Variants in MLANA observed in about 807,000 individuals in gnomAD.
MLANA encodes melan-A, also known as melanoma antigen recognized by T-cells 1.
In MLANA, 21 loss-of-function variants were observed where a neutral mutation model predicts 15.7. The ratio of observed to expected loss-of-function variants is 1.33; its 90% CI spans 0.95 to 1.92. The LOEUF (loss-of-function observed/expected upper bound fraction) is 1.92. Ranked by LOEUF, MLANA falls within the 40% of genes most tolerant of loss-of-function variation. The pLI is 0.00. For synonymous variants in MLANA, 56 were observed against 51.5 expected (o/e 1.09, Z -0.37); for missense variants, 164 against 143.8 (o/e 1.14, Z -0.72).
intron 4 of MLANA, 152 bp from the exon 5 acceptor site, chr9:5,908,488 C>T (rs1832958704): frequency 5.7e-6 from 4 of 696,852 alleles, no homozygotes; most frequent in Admixed American, 2.7e-5. Context: ...TGAAATTTAA[C>T]AATTACTTCA....
intron 3 of MLANA, among the ~76,000 whole-genome samples, chr9:5,904,264 C>G (rs930655776): frequency 2.6e-5 from 4 of 152,204 alleles, no homozygotes; most frequent in African/African-American, 9.6e-5. Context: ...CTCTGACAAT[C>G]TGTCTTTTAA....
intron 3 of MLANA, among the ~76,000 whole-genome samples, chr9:5,898,467 C>T (rs1048230981): frequency 3.3e-5 from 5 of 152,166 alleles, no homozygotes; most frequent in African/African-American, 4.8e-5. Flanking sequence ...AAAGTCCTAC[C>T]TCTTACCATT....
At chr9:5,906,717 T>A (rs1314879561) in intron 3 of MLANA, among the ~76,000 whole-genome samples, 168 bp from the exon 4 acceptor site, 1 of 152,220 alleles carries the variant, frequency 6.6e-6, no homozygotes, top group Non-Finnish European at 1.5e-5. Context: ...TATTCCTAGA[T>A]GCAAACTCAG....
intron 3 of MLANA, among the ~76,000 whole-genome samples, chr9:5,901,169 G>T (rs1252983488): frequency 6.6e-6 from 1 of 152,036 alleles, no homozygotes; most frequent in Non-Finnish European, 1.5e-5. Context: ...TAATTGACAA[G>T]GGCAGTTTTA....
At position 5,894,716 on chromosome 9, in the gene MLANA, G is replaced by A. The variant is rs151245303; in HGVS notation, c.77+2165G>A. On this transcript the variant is annotated intron_variant, in intron 2 of 4. Coordinates refer to ENST00000381477, the MANE Select transcript of MLANA (RefSeq NM_005511.2). The surrounding 1 kb of genome is among the most constrained non-coding windows in gnomAD (Gnocchi z 4.0). ...CATTGCTGGGGTGATCCTGACAGGA[G>A]CCAGAAGCACACTGGAAGGAGCTGC... Among the ~76,000 whole-genome samples, 19 of 152,280 alleles carry A rather than the reference G, an allele frequency of 1.2e-4. No individual in the cohort carries two copies. The East Asian group carries it at 3.5e-3, about 28-fold the overall frequency.
At position 5,909,113 on chromosome 9, in the gene MLANA, C is replaced by A. The variant is rs934689382; in HGVS notation, c.*405C>A. The A allele has an allele frequency of 1.3e-5, 3 of 227,382 alleles. No individual in the cohort carries two copies. Among genetic ancestry groups the A allele is most frequent in the African/African-American group, 2.3e-5 (1 of 42,902 alleles). 14.1% of individuals were successfully genotyped at this position (227,382 alleles called of 1,614,324 possible). On this transcript the variant is annotated 3_prime_UTR_variant, in exon 5 of 5. Coordinates refer to ENST00000381477, the MANE Select transcript of MLANA (RefSeq NM_005511.2). Reference sequence around the variant, plus strand: ...GACATGAACTGTACACAGAATTGTTCCAGTACTATGGAGTGCTCACAAAGG... The same window carrying A: ...GACATGAACTGTACACAGAATTGTTACAGTACTATGGAGTGCTCACAAAGG...
chr9:5,892,617 C>T, intron 2 of MLANA, 66 bp downstream of exon 2: 1 of 1,331,000 alleles, frequency 7.5e-7, no homozygotes. Flanking sequence ...CTGCTGACTT[C>T]CACCAGTACA....
rs777989222 is a variant in MLANA, at chr9:5,908,633, C to T, written c.289-7C>T. On this transcript the variant is annotated splice_region_variant and splice_polypyrimidine_tract_variant and intron_variant, in intron 4 of 4. Transcript: ENST00000381477. ...AAGCCCATATTCTCCCTTTCTTGTTCTCACAGGTTCCCAATGCTCCACCTG... is the reference window on the plus strand; with the variant it reads ...AAGCCCATATTCTCCCTTTCTTGTTTTCACAGGTTCCCAATGCTCCACCTG... The T allele has an allele frequency of 3.7e-6, 6 of 1,613,374 alleles. No individual in the cohort carries two copies. Among genetic ancestry groups the T allele is most frequent in the Middle Eastern group, 1.7e-4 (1 of 6,058 alleles).
chr9:5,896,414 ACT>A (rs1296502883), intron 2 of MLANA, among the ~76,000 whole-genome samples: 2 of 152,310 alleles, frequency 1.3e-5, no homozygotes, highest in East Asian at 3.9e-4. Context: ...TCCATCTAGC[ACT>A]GTCATCCCAT....
In MLANA at chr9:5,908,930, T is replaced by G; in HGVS notation, c.*222T>G. The G allele has an allele frequency of 1.9e-6, 1 of 540,054 alleles. No homozygotes were observed. The highest frequency in any genetic ancestry group is 3.3e-6 in the Non-Finnish European group (1 of 305,400). 33.5% of individuals were successfully genotyped at this position (540,054 alleles called of 1,614,324 possible). A position where few individuals can be genotyped will look rare whatever the true frequency, so the allele number is the denominator to read the frequency against. ...TTGGGAAAACTCCATCAATAAATGT[T>G]GCAATGCATGATACTATCTGTGCCA... On this transcript the variant is annotated 3_prime_UTR_variant, in exon 5 of 5. Coordinates refer to ENST00000381477, the MANE Select transcript of MLANA (RefSeq NM_005511.2).
At chr9:5,892,677 C>T (rs1043161658) in intron 2 of MLANA, 126 bp downstream of exon 2, 33 of 712,454 alleles carry the variant, frequency 4.6e-5, no homozygotes, top group Non-Finnish European at 6.6e-5. Context: ...CAGTAACATC[C>T]CTGGCAACAA....
rs761715010 is a variant in MLANA, at chr9:5,910,446, C to G, written c.*1738C>G. ...CTTACTACTTAAAATAAGGCTTCCA[C>G]CTCTCCCACTTCAAACAAATAAATG... On this transcript the variant is annotated 3_prime_UTR_variant, in exon 5 of 5. Transcript: ENST00000381477. 4 of 152,196 alleles carry G rather than the reference C, an allele frequency of 2.6e-5. No homozygotes were observed. The highest frequency in any genetic ancestry group is 9.7e-5 in the African/African-American group (4 of 41,442). 9.4% of individuals were successfully genotyped at this position (152,196 alleles called of 1,614,324 possible).
chr9:5,898,435 C>T (rs1458727851), intron 3 of MLANA, among the ~76,000 whole-genome samples: 1 of 152,168 alleles, frequency 6.6e-6, no homozygotes, highest in African/African-American at 2.4e-5. Context: ...GGACAGAGCC[C>T]TTGTAACTTA....
intron 3 of MLANA, among the ~76,000 whole-genome samples, chr9:5,900,210 G>T (rs1378801530): frequency 2.0e-5 from 3 of 152,078 alleles, no homozygotes; most frequent in African/African-American, 7.2e-5. Flanking sequence ...GAGTCTTAAT[G>T]TCATGTGCTC....
At position 5,910,462 on chromosome 9, in the gene MLANA, C is replaced by T. The variant is rs757101918; in HGVS notation, c.*1754C>T. ...AGGCTTCCACCTCTCCCACTTCAAA[C>T]AAATAAATGAATTCTAAACCAAAGA... On this transcript the variant is annotated 3_prime_UTR_variant, in exon 5 of 5. Coordinates refer to ENST00000381477, the MANE Select transcript of MLANA (RefSeq NM_005511.2). The T allele has an allele frequency of 2.6e-5, 4 of 152,228 alleles. No individual in the cohort carries two copies. Among genetic ancestry groups the T allele is most frequent in the African/African-American group, 4.8e-5 (2 of 41,460 alleles). 9.4% of individuals were successfully genotyped at this position (152,228 alleles called of 1,614,324 possible).
chr9:5,901,402 T>C (rs1461797810), intron 3 of MLANA, among the ~76,000 whole-genome samples: 2 of 152,240 alleles, frequency 1.3e-5, no homozygotes, highest in African/African-American at 4.8e-5. Flanking sequence ...CCCTCGTTTA[T>C]TGAGAGTTTT....
At position 5,897,616 on chromosome 9, in the gene MLANA, G is replaced by A; in HGVS notation, c.137G>A (p.Trp46Ter). 3 of 1,614,114 alleles carry A rather than the reference G, an allele frequency of 1.9e-6. No individual in the cohort carries two copies. The highest frequency in any genetic ancestry group is 2.5e-6 in the Non-Finnish European group (3 of 1,179,952). The change falls in exon 3 of 5, where the codon TGG becomes TAG. Residue 46 changes from tryptophan to a stop codon, truncating the protein, a stop_gained. Coordinates refer to ENST00000381477, the MANE Select transcript of MLANA (RefSeq NM_005511.2). LOFTEE classifies it high-confidence loss of function. Reference sequence around the variant, plus strand: ...GGAGTCTTACTGCTCATCGGCTGTTGGTATTGTAGAAGACGAAATGGATAC... The same window carrying A: ...GGAGTCTTACTGCTCATCGGCTGTTAGTATTGTAGAAGACGAAATGGATAC... ...ILGVLLLIGC[W>*]YCRRRNGYRA...
chr9:5,896,347 T>C (rs1462845366), intron 2 of MLANA, among the ~76,000 whole-genome samples: 1 of 152,226 alleles, frequency 6.6e-6, no homozygotes, highest in Non-Finnish European at 1.5e-5. Context: ...TGAATCTTCA[T>C]AGGTCTCAGC....
At chr9:5,896,639 C>T (rs1356352855) in intron 2 of MLANA, among the ~76,000 whole-genome samples, 1 of 152,350 alleles carries the variant, frequency 6.6e-6, no homozygotes, top group African/African-American at 2.4e-5. Flanking sequence ...ATAACAGAGT[C>T]AGTTCTGTCG....
Sources: gnomAD v4.1 joint callset for allele counts (sites outside exome capture counted in the v4.1 genomes callset) on GRCh38, gnomAD v4.1.1 for gene constraint, Gnocchi (gnomAD v3.1) non-coding constraint, MANE v1.5 for transcripts, NCBI Gene and HGNC (gene_info 2026-07-23, HGNC 2026-07-21) for gene names.